Variants in NDRG1 observed in about 807,000 individuals in gnomAD.
NDRG1 encodes protein NDRG1.
In NDRG1, 32 loss-of-function variants were observed where a neutral mutation model predicts 56.9. The observed-to-expected ratio is 0.56, with a 90% CI of 0.42 to 0.76. The LOEUF (loss-of-function observed/expected upper bound fraction) is 0.76. NDRG1 is among the 30% of genes least tolerant of loss of function. NDRG1 has a pLI of 0.00. For synonymous variants in NDRG1, 211 were observed against 204.1 expected, an observed-to-expected ratio of 1.03 and a Z score of -0.29; for missense variants, 507 against 545.7, an observed-to-expected ratio of 0.93 and a Z score of 0.71.
At chr8:133,244,524 G>A (rs1855560403) in intron 13 of NDRG1, 134 bp from the exon 14 acceptor site, 1 of 1,044,700 alleles carries the variant, frequency 9.6e-7, no homozygotes, top group Non-Finnish European at 1.5e-6. Context: ...AGGAGGAACA[G>A]GGTGGACCGT....
intron 3 of NDRG1, chr8:133,265,110 C>G: frequency 4.0e-6 from 1 of 249,680 alleles, no homozygotes; most frequent in Admixed American, 4.8e-5. Flanking sequence ...CCTTCAGGAA[C>G]CCACCCAACC....
At chr8:133,280,078 G>A (rs542876864) in intron 3 of NDRG1, among the ~76,000 whole-genome samples, 154 bp downstream of exon 3, 1 of 152,310 alleles carries the variant, frequency 6.6e-6, no homozygotes, top group Non-Finnish European at 1.5e-5. Context: ...CTGTCTGGGA[G>A]CAGCAGCTGA....
At chr8:133,245,375 T>C (rs529021480) in intron 13 of NDRG1, among the ~76,000 whole-genome samples, 44 of 152,298 alleles carry the variant, frequency 2.9e-4, no homozygotes, top group Admixed American at 8.5e-4. Context: ...CCTATCACTG[T>C]GGCTATACTT....
At position 133,292,225 on chromosome 8, in the gene NDRG1, G is replaced by A. The variant is rs1216646148; in HGVS notation, c.-19+4909C>T. 2.0e-5 allele frequency among the ~76,000 whole-genome samples: 3 copies of A among 152,228 alleles called. No individual in the cohort carries two copies. In the East Asian group the frequency reaches 5.8e-4, roughly 29 times the overall value. Reference sequence around the variant, plus strand: ...TGGAAATCACACAAACGGAGCCAGTGTTAGCAGAGGACGAGGAAATGGCTT... The same window carrying A: ...TGGAAATCACACAAACGGAGCCAGTATTAGCAGAGGACGAGGAAATGGCTT... On this transcript the variant is annotated intron_variant, in intron 1 of 15. Coordinates refer to ENST00000323851, the MANE Select transcript of NDRG1 (RefSeq NM_006096.4).
intron 2 of NDRG1, among the ~76,000 whole-genome samples, chr8:133,283,824 C>T (rs1857946979): frequency 6.6e-6 from 1 of 152,230 alleles, no homozygotes; most frequent in Non-Finnish European, 1.5e-5. Flanking sequence ...TTAATGAGAG[C>T]TGAGGCAGGC....
In NDRG1 at chr8:133,289,518, C is replaced by T. The variant is rs78288412; in HGVS notation, c.-18-5189G>A. 7.8e-4 allele frequency among the ~76,000 whole-genome samples: 118 copies of T among 152,252 alleles called. 1 individual carries two copies. The East Asian group carries it at 0.017, about 21-fold the overall frequency. ...GCGTCACCACTGGGGCCCTTCTCTC[C>T]ACCAGCACTGTCTGTCAATGAGTAA... On this transcript the variant is annotated intron_variant, in intron 1 of 15. Coordinates refer to ENST00000323851, the MANE Select transcript of NDRG1 (RefSeq NM_006096.4).
rs73348351 is a variant in NDRG1, at chr8:133,288,816, G to C, written c.-18-4487C>G. Among the ~76,000 whole-genome samples the C allele has an allele frequency of 6.4e-3, 971 of 152,220 alleles. 11 individuals carry two copies. Among genetic ancestry groups the C allele is most frequent in the African/African-American group, 0.022 (901 of 41,556 alleles). ...CAAGGCCATCTTTGCTCCCCAAGAA[G>C]CACAGAAGAAACCCCTCCAGCAGGT... On this transcript the variant is annotated intron_variant, in intron 1 of 15. Coordinates refer to ENST00000323851, the MANE Select transcript of NDRG1 (RefSeq NM_006096.4).
intron 1 of NDRG1, among the ~76,000 whole-genome samples, chr8:133,287,865 G>C (rs1858206626): frequency 6.6e-6 from 1 of 152,220 alleles, no homozygotes. Context: ...GCTGATTTTA[G>C]TAATTCCTAG....
chr8:133,248,014 C>G, intron 11 of NDRG1, 88 bp from the exon 12 acceptor site: 1 of 1,297,068 alleles, frequency 7.7e-7, no homozygotes, highest in South Asian at 1.2e-5. Context: ...GGCCTGCATT[C>G]TACAAACAAT....
At chr8:133,250,628 G>A (rs1855965037) in intron 9 of NDRG1, 85 bp from the exon 10 acceptor site, 1 of 1,148,098 alleles carries the variant, frequency 8.7e-7, no homozygotes. Flanking sequence ...CAGGTTATTT[G>A]GAGACAAAGT....
At chr8:133,242,388 C>T (rs1259789073) in intron 14 of NDRG1, among the ~76,000 whole-genome samples, 2 of 152,186 alleles carry the variant, frequency 1.3e-5, no homozygotes, top group Non-Finnish European at 2.9e-5. Flanking sequence ...CATGTCTAAC[C>T]CAGCAAGTGG....
At chr8:133,253,943 C>A (rs1856218224) in intron 9 of NDRG1, among the ~76,000 whole-genome samples, 2 of 152,128 alleles carry the variant, frequency 1.3e-5, no homozygotes, top group South Asian at 4.1e-4. Flanking sequence ...CTCAAGCAAT[C>A]CTCCTGCCAT....
intron 1 of NDRG1, among the ~76,000 whole-genome samples, chr8:133,285,113 T>C (rs1858036156): frequency 6.6e-6 from 1 of 152,104 alleles, no homozygotes; most frequent in Admixed American, 6.5e-5. Context: ...CCAGGAAGAC[T>C]TGGAATGCTG....
chr8:133,240,584 C>A (rs1164409366), intron 15 of NDRG1: 3 of 152,202 alleles, frequency 2.0e-5, no homozygotes, highest in African/African-American at 7.2e-5. Flanking sequence ...CAAGCCAGCA[C>A]CCCGTGGTGT....
chr8:133,260,306 C>T (rs2977560), intron 5 of NDRG1, among the ~76,000 whole-genome samples: 134,068 of 152,134 alleles, frequency 0.88, 59,348 homozygotes, highest in East Asian at 1. Flanking sequence ...CTTCAGAATA[C>T]AGGGGGCTCA....
intron 1 of NDRG1, among the ~76,000 whole-genome samples, chr8:133,292,310 C>G (rs1229537971): frequency 6.6e-6 from 1 of 152,160 alleles, no homozygotes; most frequent in Non-Finnish European, 1.5e-5. Context: ...GGATCCTTCC[C>G]CAGAATGGTC....
At chr8:133,255,834 C>G (rs979433980) in intron 8 of NDRG1, 4 of 157,562 alleles carry the variant, frequency 2.5e-5, no homozygotes, top group African/African-American at 9.6e-5. Flanking sequence ...AAGACTCTGT[C>G]CTATTTCAAC....
intron 2 of NDRG1, 81 bp from the exon 3 acceptor site, chr8:133,280,348 A>G (rs1391581563): frequency 7.4e-7 from 1 of 1,355,888 alleles, no homozygotes; most frequent in African/African-American, 1.4e-5. Flanking sequence ...GGGCCTTTCT[A>G]TGACCTGAAT....
chr8:133,250,345 T>G (rs896564540), intron 10 of NDRG1, 95 bp downstream of exon 10: 35 of 1,156,600 alleles, frequency 3.0e-5, no homozygotes, highest in Non-Finnish European at 4.3e-5. Flanking sequence ...CCTCTTCCGC[T>G]CATTTTATAC....
Sources: gnomAD v4.1 joint callset for allele counts (sites outside exome capture counted in the v4.1 genomes callset) on GRCh38, gnomAD v4.1.1 for gene constraint, MANE v1.5 for transcripts, NCBI Gene and HGNC (gene_info 2026-07-23, HGNC 2026-07-21) for gene names.